Variants in KAZN observed in about 807,000 individuals in gnomAD.
KAZN encodes the protein kazrin, periplakin interacting protein, also known as kazrin.
KAZN carries 40 observed loss-of-function variants against 87.4 expected under a neutral mutation model. The ratio of observed to expected loss-of-function variants is 0.46; its 90% CI spans 0.36 to 0.60. The LOEUF (loss-of-function observed/expected upper bound fraction) is 0.60, where lower values mean the gene tolerates loss of function less well. Ranked by LOEUF, KAZN falls within the 20% of genes least tolerant of loss-of-function variation. The pLI is 0.00. For missense variants in KAZN, 898 were observed against 1,073.9 expected (o/e 0.84, Z 2.29); for synonymous variants, 466 against 458.3 (o/e 1.02, Z -0.22).
At chr1:14,614,617 C>A (rs2148627413) in intron 1 of KAZN, among the ~76,000 whole-genome samples, 2 of 152,292 alleles carry the variant, frequency 1.3e-5, no homozygotes, top group South Asian at 4.1e-4. Flanking sequence ...TGCGCAAAAC[C>A]AAATGTGATC....
At position 14,998,600 on chromosome 1, in the gene KAZN, G is replaced by A. The variant is rs915561818; in HGVS notation, c.419-36149G>A. ...ATCTCACTCTGCTGCCCAGGCTGGA[G>A]TGCAGTGGTGCCATCTCAGCTCACG... On this transcript the variant is annotated intron_variant, in intron 2 of 14. Transcript: ENST00000376030. Among the ~76,000 whole-genome samples, 26 of 152,226 alleles carry A rather than the reference G, an allele frequency of 1.7e-4. 1 individual carries two copies. The highest frequency in any genetic ancestry group is 5.3e-4 in the African/African-American group (22 of 41,522).
At chr1:14,170,384 A>T (rs559303685) in intron 1 of KAZN, among the ~76,000 whole-genome samples, 8 of 152,280 alleles carry the variant, frequency 5.3e-5, no homozygotes, top group African/African-American at 1.9e-4. Flanking sequence ...AAAAGAAAAA[A>T]AAAAATAGGT....
At chr1:13,962,699 A>G (rs1366235846) in intron 1 of KAZN, among the ~76,000 whole-genome samples, 1 of 152,178 alleles carries the variant, frequency 6.6e-6, no homozygotes, top group Non-Finnish European at 1.5e-5. Context: ...CCAGGATTAC[A>G]GGAGTGCACC....
At chr1:14,021,953 C>CTTTTTTTTTTT (rs141959214) in intron 1 of KAZN, among the ~76,000 whole-genome samples, 3 of 114,294 alleles carry the variant, frequency 2.6e-5, no homozygotes, top group Non-Finnish European at 3.4e-5. Flanking sequence ...AATGAACATG[C>CTTTTTTTTTTT]TTTTTTTTTT....
At chr1:13,952,709 A>G (rs1641399914) in intron 1 of KAZN, among the ~76,000 whole-genome samples, 1 of 152,166 alleles carries the variant, frequency 6.6e-6, no homozygotes, top group Non-Finnish European at 1.5e-5. Context: ...ACACAGACGC[A>G]TGACATTGAA....
intron 1 of KAZN, among the ~76,000 whole-genome samples, chr1:14,129,602 G>A (rs756960795): frequency 8.5e-5 from 13 of 152,148 alleles, no homozygotes; most frequent in Non-Finnish European, 1.6e-4. Context: ...ATGAGTCTTG[G>A]GGGAAGGCAC....
intron 2 of KAZN, among the ~76,000 whole-genome samples, chr1:14,362,887 T>G (rs2100985987): frequency 6.6e-6 from 1 of 152,196 alleles, no homozygotes; most frequent in Middle Eastern, 3.4e-3. Flanking sequence ...TCCTTTGGAG[T>G]GATTTTACAT....
chr1:14,655,496 C>G (rs1004118149), intron 1 of KAZN, among the ~76,000 whole-genome samples: 1 of 152,164 alleles, frequency 6.6e-6, no homozygotes, highest in African/African-American at 2.4e-5. Context: ...AGTGAAATCC[C>G]TCTTTATGGG....
At chr1:14,858,757 T>A (rs1411688533) in intron 1 of KAZN, among the ~76,000 whole-genome samples, 2 of 152,176 alleles carry the variant, frequency 1.3e-5, no homozygotes, top group African/African-American at 4.8e-5. Context: ...ATTCCTCCTA[T>A]ATTTGCACTC....
chr1:14,873,494 G>T (rs1313110624), intron 1 of KAZN, among the ~76,000 whole-genome samples: 1 of 152,188 alleles, frequency 6.6e-6, no homozygotes, highest in Non-Finnish European at 1.5e-5. Flanking sequence ...GCTATGCAGA[G>T]ATCTGAGGGA....
chr1:14,127,738 G>A (rs148682781), intron 1 of KAZN, among the ~76,000 whole-genome samples: 410 of 152,312 alleles, frequency 2.7e-3, no homozygotes, highest in African/African-American at 9.1e-3. Context: ...TCCAGTCTGC[G>A]AATTTGGTCA....
intron 4 of KAZN, among the ~76,000 whole-genome samples, chr1:15,047,801 G>T (rs1673740197): frequency 6.6e-6 from 1 of 152,158 alleles, no homozygotes; most frequent in African/African-American, 2.4e-5. Context: ...AGCTGCGGAG[G>T]TGGGGAGCCA....
At chr1:14,014,862 G>C (rs1640490310) in intron 1 of KAZN, among the ~76,000 whole-genome samples, 2 of 152,168 alleles carry the variant, frequency 1.3e-5, no homozygotes, top group African/African-American at 4.8e-5. Flanking sequence ...ATTTGCACTA[G>C]AGCCAAGGCC....
At chr1:14,167,299 T>G (rs1012110430) in intron 1 of KAZN, among the ~76,000 whole-genome samples, 2 of 152,204 alleles carry the variant, frequency 1.3e-5, no homozygotes, top group African/African-American at 2.4e-5. Context: ...TGTTTTATCC[T>G]AGAGAGAATC....
At chr1:14,508,603 C>A (rs2148441018) in intron 2 of KAZN, among the ~76,000 whole-genome samples, 1 of 152,280 alleles carries the variant, frequency 6.6e-6, no homozygotes, top group African/African-American at 2.4e-5. Context: ...TAGAGGCGCT[C>A]TCCACTAGTC....
chr1:15,090,130 C>T (rs1014447967), intron 8 of KAZN, among the ~76,000 whole-genome samples: 1 of 152,204 alleles, frequency 6.6e-6, no homozygotes, highest in Non-Finnish European at 1.5e-5. Flanking sequence ...TCATTATTCC[C>T]ATTTTATATA....
At position 13,908,883 on chromosome 1, in the gene KAZN, G is replaced by A. The variant is rs776812688; in HGVS notation, c.91+15127G>A. Reference sequence around the variant, plus strand: ...GCAGAGCTGTTAAGGACTTTCGTGAGCTGGAGAACATAAAATAAACACATG... The same window carrying A: ...GCAGAGCTGTTAAGGACTTTCGTGAACTGGAGAACATAAAATAAACACATG... On this transcript the variant is annotated intron_variant, in intron 1 of 16. Coordinates refer to the KAZN transcript ENST00000636203. Among the ~76,000 whole-genome samples the A allele has an allele frequency of 4.6e-5, 7 of 152,186 alleles. 1 individual carries two copies. In the South Asian group the frequency reaches 1.2e-3, roughly 27 times the overall value.
At chr1:14,828,147 A>G (rs965538639) in intron 1 of KAZN, among the ~76,000 whole-genome samples, 1 of 152,222 alleles carries the variant, frequency 6.6e-6, no homozygotes, top group African/African-American at 2.4e-5. Context: ...CAAATGCTCT[A>G]TGCCATCCCT....
chr1:14,205,906 A>AAAAAAAAAAAAAACG (rs1646733020), intron 2 of KAZN, among the ~76,000 whole-genome samples: 1 of 50,522 alleles, frequency 2.0e-5, no homozygotes, highest in East Asian at 5.8e-4. Flanking sequence ...AAAAAAAAAA[A>AAAAAAAAAAAAAACG]GCTACCTAAT....
Sources: gnomAD v4.1 joint callset for allele counts (sites outside exome capture counted in the v4.1 genomes callset) on GRCh38, gnomAD v4.1.1 for gene constraint, MANE v1.5 for transcripts, NCBI Gene and HGNC (gene_info 2026-07-23, HGNC 2026-07-21) for gene names.